Variants in TASP1 observed in about 807,000 individuals in gnomAD.
TASP1 encodes the protein taspase 1.
A neutral mutation model predicts 56.6 loss-of-function variants in TASP1; 16 were observed. That is an observed-to-expected ratio of 0.28 (90% confidence interval 0.19 to 0.43). The LOEUF (loss-of-function observed/expected upper bound fraction) is 0.43, where lower values mean the gene tolerates loss of function less well. TASP1 is among the 20% of genes least tolerant of loss of function. The pLI is 1.00. For missense variants in TASP1, 393 were observed against 511.6 expected (o/e 0.77, Z 2.24); for synonymous variants, 179 against 184.2 (o/e 0.97, Z 0.23).
the TASP1 span, among the ~76,000 whole-genome samples, chr20:13,180,799 G>C: frequency 1.3e-5 from 2 of 152,178 alleles, no homozygotes; most frequent in South Asian, 4.1e-4. Context: ...GGAGATAATA[G>C]GGAAGGAAGA....
chr20:13,127,916 C>T, the TASP1 span, among the ~76,000 whole-genome samples: 3 of 152,028 alleles, frequency 2.0e-5, no homozygotes, highest in Non-Finnish European at 4.4e-5. Context: ...TCTAGGAAGC[C>T]CTTATGGTAT....
At chr20:13,218,738 G>A in the TASP1 span, among the ~76,000 whole-genome samples, 1 of 152,162 alleles carries the variant, frequency 6.6e-6, no homozygotes, top group Non-Finnish European at 1.5e-5. Flanking sequence ...CTCAAAAACA[G>A]AGCCCTGCTG....
chr20:13,528,466 G>C lies in TASP1; in HGVS notation c.841C>G (p.His281Asp). ...CTCACAGCTGTGGAGTAGGGGTTAT[G>C]AGCTCCAGTATTTTCAGCCCAGCAG... ...CGCWAENTGA[H>D]NPYSTAVSTS... is the part of the protein sequence containing the mutation. Residue 281 changes from histidine (H) to aspartate (D), a missense_variant, in exon 10 of 14, where the codon CAT becomes GAT. Physicochemically the swap from His to Asp is moderately conservative, Grantham distance 81. This residue lies in a region of TASP1 where 293 missense variants were observed against 354.2 expected (regional missense o/e 0.83). Transcript: ENST00000337743. The C allele has an allele frequency of 6.2e-7, 1 of 1,611,354 alleles. No homozygotes were observed. Among genetic ancestry groups the C allele is most frequent in the Non-Finnish European group, 8.5e-7 (1 of 1,178,510 alleles).
intron 13 of TASP1, among the ~76,000 whole-genome samples, chr20:13,404,911 TTG>T (rs2041862714): frequency 6.6e-6 from 1 of 152,336 alleles, no homozygotes; most frequent in African/African-American, 2.4e-5. Context: ...AAATAATCCT[TTG>T]TGTTATTGCC....
intron 4 of TASP1, among the ~76,000 whole-genome samples, chr20:13,605,204 T>C (rs1351869368): frequency 2.0e-5 from 3 of 151,914 alleles, no homozygotes; most frequent in African/African-American, 7.2e-5. Flanking sequence ...TGTGGATAGG[T>C]ATGAGGGAAA....
At chr20:13,625,379 C>T (rs941812649) in intron 2 of TASP1, 127 bp from the exon 3 acceptor site, 9 of 599,532 alleles carry the variant, frequency 1.5e-5, no homozygotes, top group African/African-American at 3.9e-5. Flanking sequence ...AACTGTATGG[C>T]GTTTTATGAC....
chr20:13,588,858 A>G (rs2047417547), intron 4 of TASP1, among the ~76,000 whole-genome samples: 1 of 152,198 alleles, frequency 6.6e-6, no homozygotes, highest in Non-Finnish European at 1.5e-5. Context: ...AACCAAAACA[A>G]TCTTGAAAAG....
intron 6 of TASP1, among the ~76,000 whole-genome samples, chr20:13,573,196 T>G (rs2046778030): frequency 6.6e-6 from 1 of 152,224 alleles, no homozygotes. Flanking sequence ...TTTTAATTTT[T>G]TTATTATTGA....
chr20:13,420,717 T>C (rs73901160), intron 12 of TASP1, among the ~76,000 whole-genome samples: 7,138 of 152,264 alleles, frequency 0.047, 305 homozygotes, highest in African/African-American at 0.11. Flanking sequence ...GTGCCAGGCA[T>C]TGTCTTTCAT....
the TASP1 span, among the ~76,000 whole-genome samples, chr20:13,356,732 G>A: frequency 6.6e-6 from 1 of 152,024 alleles, no homozygotes; most frequent in Non-Finnish European, 1.5e-5. Flanking sequence ...ACATTGAAAG[G>A]CCTGCCTTAA....
At chr20:13,479,176 T>A (rs2043046072) in intron 11 of TASP1, among the ~76,000 whole-genome samples, 1 of 152,122 alleles carries the variant, frequency 6.6e-6, no homozygotes, top group Non-Finnish European at 1.5e-5. Flanking sequence ...AGACTCAGAA[T>A]GAATGAAAAG....
chr20:13,579,616 G>A (rs1214550361), intron 6 of TASP1, among the ~76,000 whole-genome samples: 1 of 152,108 alleles, frequency 6.6e-6, no homozygotes, highest in Admixed American at 6.5e-5. Context: ...CTCCCAAAGT[G>A]CTGGGGTTAC....
chr20:13,627,733 T>TAA (rs35542097), intron 2 of TASP1, among the ~76,000 whole-genome samples: 8 of 119,488 alleles, frequency 6.7e-5, no homozygotes, highest in East Asian at 2.4e-4. Context: ...AACTTAGTCT[T>TAA]AAAAAAAAAA....
chr20:13,507,370 G>A lies in TASP1; in HGVS notation c.874+21063C>T, dbSNP rs749529446. On this transcript the variant is annotated intron_variant, in intron 10 of 13. Coordinates refer to ENST00000337743, the MANE Select transcript of TASP1 (RefSeq NM_017714.3). ...AACATAGCCAAGACCTCATCTTTAC[G>A]AAAAATAAAAATAATATCCGGGCAT... Among the ~76,000 whole-genome samples the A allele has an allele frequency of 2.6e-5, 4 of 151,828 alleles. No individual in the cohort carries two copies. The East Asian group carries it at 5.8e-4, about 22-fold the overall frequency.
At chr20:13,463,348 C>T (rs905871200) in intron 11 of TASP1, among the ~76,000 whole-genome samples, 2 of 152,072 alleles carry the variant, frequency 1.3e-5, no homozygotes, top group Admixed American at 6.6e-5. Context: ...TGCTTTACAA[C>T]ATATGCAAAA....
chr20:13,615,949 TC>T lies in TASP1; in HGVS notation c.282+7496del, dbSNP rs1316880930. Among the ~76,000 whole-genome samples the T allele has an allele frequency of 2.0e-5, 3 of 152,294 alleles. No homozygotes were observed. The East Asian group carries it at 5.8e-4, about 29-fold the overall frequency. ...ACACCATCATACCAGCCTGTGATTT[TC>T]CAAACATAGAAAAATCTTATTAGCC... On this transcript the variant is annotated intron_variant, in intron 4 of 13. Transcript: ENST00000337743.
intron 10 of TASP1, among the ~76,000 whole-genome samples, chr20:13,511,425 T>C (rs895875269): frequency 1.3e-5 from 2 of 152,076 alleles, no homozygotes; most frequent in African/African-American, 4.8e-5. Context: ...TGTATTTTCT[T>C]ATTATTGAAG....
the TASP1 span, among the ~76,000 whole-genome samples, chr20:13,378,538 A>G: frequency 6.6e-6 from 1 of 152,114 alleles, no homozygotes; most frequent in Non-Finnish European, 1.5e-5. Flanking sequence ...TGTTGCGAAG[A>G]TTGTCTATTC....
chr20:13,606,673 A>G (rs2048167593), intron 4 of TASP1, among the ~76,000 whole-genome samples: 1 of 151,854 alleles, frequency 6.6e-6, no homozygotes, highest in Non-Finnish European at 1.5e-5. Context: ...TGGGCGTGGT[A>G]GTGGGCGCCT....
Sources: gnomAD v4.1 joint callset for allele counts (sites outside exome capture counted in the v4.1 genomes callset) on GRCh38, gnomAD v4.1.1 for gene constraint, gnomAD v4.1.1 regional missense constraint, MANE v1.5 for transcripts, NCBI Gene and HGNC (gene_info 2026-07-23, HGNC 2026-07-21) for gene names.